Variants in SMAD7 observed in about 807,000 individuals in gnomAD.
SMAD7 encodes SMAD family member 7.
In SMAD7, 8 loss-of-function variants were observed where a neutral mutation model predicts 38.7. That is an observed-to-expected ratio of 0.21 (90% CI 0.12 to 0.37). SMAD7 has a LOEUF of 0.37. Ranked by LOEUF, SMAD7 falls within the 10% of genes least tolerant of loss-of-function variation. The probability of loss-of-function intolerance (pLI) is 1.00; values close to 1 mark genes in which losing one functional copy is unlikely to be tolerated. For missense variants in SMAD7, 477 were observed against 577.9 expected (o/e 0.83, Z 1.79); for synonymous variants, 327 against 265.1 (o/e 1.23, Z -2.27).
At chr18:48,928,927 G>C (rs2069960502) in intron 3 of SMAD7, among the ~76,000 whole-genome samples, 1 of 152,158 alleles carries the variant, frequency 6.6e-6, no homozygotes, top group Non-Finnish European at 1.5e-5. Context: ...CAGTCAGGCT[G>C]ACGCGGCTTC....
chr18:48,948,780 TC>T (rs1284961938), intron 1 of SMAD7, among the ~76,000 whole-genome samples: 1 of 152,108 alleles, frequency 6.6e-6, no homozygotes, highest in Non-Finnish European at 1.5e-5. Flanking sequence ...CAGACCCAGC[TC>T]CCAGCAACCT....
chr18:48,926,034 C>A (rs534549429), intron 3 of SMAD7, among the ~76,000 whole-genome samples: 2 of 152,344 alleles, frequency 1.3e-5, no homozygotes, highest in Admixed American at 6.5e-5. Context: ...GCGTGAGCCG[C>A]CGCACCCAGA....
Position 48,950,124 on chromosome 18 carries a change from T to C in SMAD7, c.301A>G (p.Lys101Glu). Residue 101 changes from lysine to glutamate, a missense_variant, in exon 1 of 4, where the codon AAG becomes GAG. This residue lies in a region of SMAD7 where 376 missense variants were observed against 379.4 expected (regional missense o/e 0.99). Coordinates refer to ENST00000262158, the MANE Select transcript of SMAD7 (RefSeq NM_005904.4). ...DLKALTHSVLKKLKERQLELL... is the reference protein window; with the variant it reads ...DLKALTHSVLEKLKERQLELL... ...TCCAGCTGCCGCTCCTTCAGTTTCT[T>C]GAGCACCGAGTGCGTGAGCGCCTTC... is the stretch of plus-strand genomic sequence containing the variant. The C allele has an allele frequency of 4.7e-6, 7 of 1,494,546 alleles. No individual in the cohort carries two copies. Among genetic ancestry groups the C allele is most frequent in the South Asian group, 3.8e-5 (3 of 78,630 alleles). 92.6% of individuals were successfully genotyped at this position (1,494,546 alleles called of 1,614,324 possible).
chr18:48,930,349 A>C (rs1056210732), intron 3 of SMAD7, among the ~76,000 whole-genome samples: 1 of 152,086 alleles, frequency 6.6e-6, no homozygotes, highest in Admixed American at 6.5e-5. Flanking sequence ...CCCAGACCCA[A>C]GCCCCCACTC....
In SMAD7 at chr18:48,921,210, C is replaced by G. The variant is rs896829875; in HGVS notation, c.*162G>C. ...CTATTTCTCAAAGAGCGAAACAAAA[C>G]AGAACACAAACGAGGACGAGAAGAA... On this transcript the variant is annotated 3_prime_UTR_variant, in exon 4 of 4. Transcript: ENST00000262158. The surrounding 1 kb of genome is among the most constrained non-coding windows in gnomAD (Gnocchi z 6.4). 4 of 638,808 alleles carry G rather than the reference C, an allele frequency of 6.3e-6. No individual in the cohort carries two copies. The highest frequency in any genetic ancestry group is 1.1e-5 in the Non-Finnish European group (4 of 380,248). 39.6% of individuals were successfully genotyped at this position (638,808 alleles called of 1,614,324 possible).
chr18:48,936,515 A>G (rs1182264994), intron 3 of SMAD7, among the ~76,000 whole-genome samples: 2 of 152,262 alleles, frequency 1.3e-5, no homozygotes, highest in African/African-American at 4.8e-5. Flanking sequence ...ACAGCAAAGC[A>G]AAACAGTGGA....
At chr18:48,938,765 C>T (rs894273565) in intron 3 of SMAD7, among the ~76,000 whole-genome samples, 5 of 152,178 alleles carry the variant, frequency 3.3e-5, no homozygotes, top group African/African-American at 7.2e-5. Context: ...CAGTGATCCC[C>T]GGAAAGCTCT....
intron 1 of SMAD7, 67 bp from the exon 2 acceptor site, chr18:48,948,504 A>C: frequency 9.9e-6 from 11 of 1,112,840 alleles, no homozygotes; most frequent in East Asian, 2.5e-5. Flanking sequence ...ACTTATGATA[A>C]CAGAGGCATT....
chr18:48,937,004 A>C (rs1599229258), intron 3 of SMAD7, among the ~76,000 whole-genome samples: 1 of 152,084 alleles, frequency 6.6e-6, no homozygotes, highest in African/African-American at 2.4e-5. Context: ...CCTTGAATCC[A>C]GGAGGCAGAG....
chr18:48,948,115 C>T (rs541827207), intron 2 of SMAD7, among the ~76,000 whole-genome samples: 3 of 152,242 alleles, frequency 2.0e-5, no homozygotes, highest in African/African-American at 7.2e-5. Context: ...ACTAAAGCTT[C>T]CACGTGTTAA....
chr18:48,948,054 AGTTATCC>A (rs2070216304), intron 2 of SMAD7, among the ~76,000 whole-genome samples: 1 of 152,200 alleles, frequency 6.6e-6, no homozygotes, highest in Non-Finnish European at 1.5e-5. Flanking sequence ...TAAGTCTCCG[AGTTATCC>A]CCATCAACCA....
chr18:48,948,993 G>A (rs910926269), intron 1 of SMAD7, among the ~76,000 whole-genome samples: 3 of 152,242 alleles, frequency 2.0e-5, no homozygotes, highest in Non-Finnish European at 4.4e-5. Flanking sequence ...GAGACGTAGA[G>A]TAAAGGAAGG....
chr18:48,922,007 C>A, intron 3 of SMAD7, 97 bp from the exon 4 acceptor site: 1 of 938,116 alleles, frequency 1.1e-6, no homozygotes, highest in South Asian at 1.7e-5. Context: ...GTCACCAGCT[C>A]ATCTCTCAGG....
At chr18:48,936,077 A>AACACAC (rs74174732) in intron 3 of SMAD7, among the ~76,000 whole-genome samples, 1 of 79,480 alleles carries the variant, frequency 1.3e-5, no homozygotes. Context: ...TCCATCTCAA[A>AACACAC]ACACACACAC....
Position 48,921,144 on chromosome 18 carries a change from C to G in SMAD7, c.*228G>C. Reference sequence around the variant, plus strand: ...CAGGGTGTCCTGCCGATCATACCTGCCCCTTCTTCCAAAAAAACCCCCAAC... The same window carrying G: ...CAGGGTGTCCTGCCGATCATACCTGGCCCTTCTTCCAAAAAAACCCCCAAC... On this transcript the variant is annotated 3_prime_UTR_variant, in exon 4 of 4. Transcript: ENST00000262158. The surrounding 1 kb of genome is among the most constrained non-coding windows in gnomAD (Gnocchi z 6.4). 1.8e-6 allele frequency: 1 copy of G among 546,462 alleles called. No homozygotes were observed. The highest frequency in any genetic ancestry group is 3.4e-5 in the Admixed American group (1 of 29,368). 33.9% of individuals were successfully genotyped at this position (546,462 alleles called of 1,614,324 possible). A position where few individuals can be genotyped will look rare whatever the true frequency, so the allele number is the denominator to read the frequency against.
Position 48,921,591 on chromosome 18 carries a change from C to T in SMAD7, c.1062G>A (p.Thr354=), listed in dbSNP as rs780863704. Residue 354 remains threonine, a synonymous_variant, in exon 4 of 4, where the codon ACG becomes ACA. Coordinates refer to ENST00000262158, the MANE Select transcript of SMAD7 (RefSeq NM_005904.4). This position sits in a 1 kb window ranked among gnomAD's most constrained non-coding sequence, Gnocchi z 6.4. ...SATLDNPDSR[T]LLVHKVFPGF... Reference sequence around the variant, plus strand: ...CGGGGAACACCTTGTGTACCAACAGCGTCCTGGAGTCCGGGTTGTCCAGTG... The same window carrying T: ...CGGGGAACACCTTGTGTACCAACAGTGTCCTGGAGTCCGGGTTGTCCAGTG... 90 of 1,613,978 alleles carry T rather than the reference C, an allele frequency of 5.6e-5. 1 individual carries two copies. In the South Asian group the frequency reaches 8.5e-4, roughly 15 times the overall value.
At chr18:48,946,781 G>T (rs1052678607) in intron 2 of SMAD7, among the ~76,000 whole-genome samples, 4 of 152,250 alleles carry the variant, frequency 2.6e-5, no homozygotes, top group Non-Finnish European at 4.4e-5. Context: ...ATGAGGCCCT[G>T]GCCTGGCAGA....
At chr18:48,923,826 T>C (rs373300311) in intron 3 of SMAD7, among the ~76,000 whole-genome samples, 71 of 152,338 alleles carry the variant, frequency 4.7e-4, no homozygotes, top group African/African-American at 1.5e-3. Context: ...GTGTGTGTTA[T>C]GTGTGTTTCT....
Position 48,950,454 on chromosome 18 carries a change from T to C in SMAD7, c.-30A>G, listed in dbSNP as rs74507050. 1.1e-3 allele frequency: 1,659 copies of C among 1,538,572 alleles called. 11 individuals are homozygous for C. In the African/African-American group the frequency reaches 0.02, roughly 18 times the overall value. ...GGCGAGGAGGCGAGGAGAAAAGTCG[T>C]TTGCCTGCTAAGGAGCGAACATGAC... On this transcript the variant is annotated 5_prime_UTR_variant, in exon 1 of 4. Transcript: ENST00000262158.
Sources: gnomAD v4.1 joint callset for allele counts (sites outside exome capture counted in the v4.1 genomes callset) on GRCh38, gnomAD v4.1.1 for gene constraint, gnomAD v4.1.1 regional missense constraint, Gnocchi (gnomAD v3.1) non-coding constraint, MANE v1.5 for transcripts, NCBI Gene and HGNC (gene_info 2026-07-23, HGNC 2026-07-21) for gene names.